ZPLD1: variants seen among roughly 807,000 people sequenced by gnomAD.
ZPLD1 encodes zona pellucida-like domain-containing protein 1.
ZPLD1 carries 34 observed loss-of-function variants against 47.2 expected under a neutral mutation model. The ratio of observed to expected loss-of-function variants is 0.72; its 90% CI spans 0.55 to 0.96. The LOEUF is 0.96. Ranked by LOEUF, ZPLD1 falls within the 40% of genes least tolerant of loss-of-function variation. ZPLD1 has a pLI of 0.00. For synonymous variants in ZPLD1, 176 were observed against 186.2 expected (o/e 0.95, Z 0.45); for missense variants, 512 against 505.8 (o/e 1.01, Z -0.12).
At chr3:102,441,142 G>A (rs1707170808) in intron 3 of ZPLD1, among the ~76,000 whole-genome samples, 1 of 152,078 alleles carries the variant, frequency 6.6e-6, no homozygotes, top group African/African-American at 2.4e-5. Context: ...TGGATAAGAA[G>A]GCCAAGTAAT....
intron 10 of ZPLD1, among the ~76,000 whole-genome samples, chr3:102,476,478 T>C (rs1203638694): frequency 6.6e-6 from 1 of 152,166 alleles, no homozygotes; most frequent in Non-Finnish European, 1.5e-5. Flanking sequence ...AGTCATGTTT[T>C]CCTTTCATAT....
Position 102,479,285 on chromosome 3 carries a change from A to G in ZPLD1, c.*1667A>G, listed in dbSNP as rs979049619. Reference sequence around the variant, plus strand: ...GACTATTCTGAGCTTTATCTGTGTTAACATGATTAACTGACCATACTACTA... The same window carrying G: ...GACTATTCTGAGCTTTATCTGTGTTGACATGATTAACTGACCATACTACTA... On this transcript the variant is annotated 3_prime_UTR_variant, in exon 12 of 12. Coordinates refer to ENST00000466937, the MANE Select transcript of ZPLD1 (RefSeq NM_001329788.2). The G allele has an allele frequency of 3.9e-5, 6 of 152,216 alleles. No individual in the cohort carries two copies. The highest frequency in any genetic ancestry group is 1.4e-4 in the African/African-American group (6 of 41,466). The allele number at this position is 152,216 out of a possible 1,614,324, so 9.4% of individuals were successfully genotyped here. A position where few individuals can be genotyped will look rare whatever the true frequency, so the allele number is the denominator to read the frequency against.
chr3:102,413,310 A>T (rs940908661), intron 7 of ZPLD1, among the ~76,000 whole-genome samples: 1 of 151,832 alleles, frequency 6.6e-6, no homozygotes, highest in African/African-American at 2.4e-5. Flanking sequence ...TGATCTTAAG[A>T]TGGTCATAGA....
intron 3 of ZPLD1, among the ~76,000 whole-genome samples, chr3:102,446,330 A>C (rs1356602171): frequency 6.6e-6 from 1 of 152,222 alleles, no homozygotes; most frequent in Non-Finnish European, 1.5e-5. Context: ...GGCTCATCAG[A>C]GGTCAGCTTT....
chr3:102,465,259 A>C (rs889630841), intron 8 of ZPLD1, among the ~76,000 whole-genome samples: 7 of 152,210 alleles, frequency 4.6e-5, no homozygotes, highest in African/African-American at 1.7e-4. Context: ...ACATTCAGCA[A>C]TAAGGAAATA....
Position 102,457,870 on chromosome 3 carries a change from A to G in ZPLD1, c.582+17A>G. The stretch of plus-strand genomic sequence containing the variant: ...CTTTATAACGTAAGTTGATGGGTGA[A>G]GGATGTTATTTTCTCTTTCACTGTT... On this transcript the variant is annotated intron_variant, in intron 6 of 11. Transcript: ENST00000466937. 1 of 1,612,874 alleles carries G rather than the reference A, an allele frequency of 6.2e-7. No individual in the cohort carries two copies. Among genetic ancestry groups the G allele is most frequent in the Non-Finnish European group, 8.5e-7 (1 of 1,179,156 alleles).
intron 8 of ZPLD1, among the ~76,000 whole-genome samples, chr3:102,467,443 A>C (rs965679524): frequency 6.6e-6 from 1 of 152,158 alleles, no homozygotes; most frequent in East Asian, 1.9e-4. Context: ...AAATGTCACA[A>C]TTATTAAAGG....
rs72942849 is a variant in ZPLD1, at chr3:102,413,627, G to A, written c.-156-4433G>A. Among the ~76,000 whole-genome samples, 795 of 151,766 alleles carry A rather than the reference G, an allele frequency of 5.2e-3. 4 individuals carry two copies. Among genetic ancestry groups the A allele is most frequent in the Middle Eastern group, 0.027 (8 of 294 alleles). ...CCCAATGGACATTCCCTATAAATGG[G>A]CATACAAAACCTACTCTTTAACTCA... is the stretch of plus-strand genomic sequence containing the variant. On this transcript the variant is annotated intron_variant, in intron 7 of 17. Coordinates refer to the ZPLD1 transcript ENST00000491959.
chr3:102,447,715 A>G (rs1315990571), intron 3 of ZPLD1, among the ~76,000 whole-genome samples: 7 of 152,216 alleles, frequency 4.6e-5, no homozygotes, highest in Non-Finnish European at 1.0e-4. Context: ...GAATGCTGTT[A>G]GATTTAAGTA....
intron 7 of ZPLD1, among the ~76,000 whole-genome samples, chr3:102,403,859 C>G (rs899973923): frequency 1.3e-5 from 2 of 151,602 alleles, no homozygotes; most frequent in African/African-American, 4.8e-5. Context: ...CAAGCCCAAC[C>G]AGTTGATGAT....
chr3:102,435,449 G>A, intron 1 of ZPLD1, among the ~76,000 whole-genome samples: 2 of 152,130 alleles, frequency 1.3e-5, no homozygotes, highest in East Asian at 3.9e-4. Flanking sequence ...TAGCTCTAGA[G>A]TACATGGCTA....
intron 7 of ZPLD1, among the ~76,000 whole-genome samples, chr3:102,392,592 T>G (rs948726547): frequency 2.8e-5 from 4 of 145,258 alleles, no homozygotes; most frequent in African/African-American, 7.9e-5. Flanking sequence ...TCCTTCTTTC[T>G]TCTTCTTCTG....
rs553574361 is a variant in ZPLD1 at position 102,466,591 on chromosome 3, A to C, written c.761+2340A>C. Among the ~76,000 whole-genome samples, 15 of 152,262 alleles carry C rather than the reference A, an allele frequency of 9.9e-5. No individual in the cohort carries two copies. In the South Asian group the frequency reaches 2.5e-3, roughly 25 times the overall value. On this transcript the variant is annotated intron_variant, in intron 8 of 11. Transcript: ENST00000466937. ...GAACTTAGGTAAGTAAGGATAGGAC[A>C]GTAAAAGCCATGGCTATGGAAATGT...
chr3:102,456,503 CATATT>C lies in ZPLD1; in HGVS notation c.509+132_509+136del. ...TAAATTCAAACAATGTAATGGGAAA[CATATT>C]ATGTCTAATATATTTACCTCTATCT... is the stretch of plus-strand genomic sequence containing the variant. On this transcript the variant is annotated intron_variant, in intron 5 of 11. Coordinates refer to ENST00000466937, the MANE Select transcript of ZPLD1 (RefSeq NM_001329788.2). 3 of 764,228 alleles carry C rather than the reference CATATT, an allele frequency of 3.9e-6. No individual in the cohort carries two copies. In the South Asian group the frequency reaches 5.3e-5, roughly 13 times the overall value. 47.3% of individuals were successfully genotyped at this position (764,228 alleles called of 1,614,324 possible). A position where few individuals can be genotyped will look rare whatever the true frequency, so the allele number is the denominator to read the frequency against.
At chr3:102,444,501 A>T (rs1707227922) in intron 3 of ZPLD1, among the ~76,000 whole-genome samples, 1 of 152,184 alleles carries the variant, frequency 6.6e-6, no homozygotes, top group South Asian at 2.1e-4. Context: ...AAAACTTGGT[A>T]AGAGCAAATT....
chr3:102,464,670 C>A (rs1707565448), intron 8 of ZPLD1, among the ~76,000 whole-genome samples: 1 of 152,098 alleles, frequency 6.6e-6, no homozygotes, highest in South Asian at 2.1e-4. Context: ...ATTTAGACCC[C>A]AAAATACTTT....
chr3:102,391,000 G>C (rs1706489071), intron 6 of ZPLD1, among the ~76,000 whole-genome samples: 1 of 152,130 alleles, frequency 6.6e-6, no homozygotes, highest in Middle Eastern at 3.4e-3. Context: ...TAAATTTTTA[G>C]TCTCCTTAGA....
chr3:102,428,563 T>C (rs1488542685), intron 8 of ZPLD1, among the ~76,000 whole-genome samples: 1 of 152,026 alleles, frequency 6.6e-6, no homozygotes, highest in Non-Finnish European at 1.5e-5. Flanking sequence ...TTGATTGATG[T>C]ACTGAAAAGA....
In ZPLD1 at chr3:102,387,850, C is replaced by A. The variant is rs181040523; in HGVS notation, c.-213+2533C>A. Among the ~76,000 whole-genome samples, 225 of 80,620 alleles carry A rather than the reference C, an allele frequency of 2.8e-3. 1 individual carries two copies. The highest frequency in any genetic ancestry group is 0.011 in the African/African-American group (216 of 20,364). 52.9% of individuals were successfully genotyped at this position (80,620 alleles called of 152,430 possible). A position where few individuals can be genotyped will look rare whatever the true frequency, so the allele number is the denominator to read the frequency against. Reference sequence around the variant, plus strand: ...TCATGTCCTTCAGTTCTGAGAAATTCTTTTTTTTTTTTTTTTTTTTTTTTG... The same window carrying A: ...TCATGTCCTTCAGTTCTGAGAAATTATTTTTTTTTTTTTTTTTTTTTTTTG... On this transcript the variant is annotated intron_variant, in intron 6 of 17. Coordinates refer to the ZPLD1 transcript ENST00000491959.
Sources: gnomAD v4.1 joint callset for allele counts (sites outside exome capture counted in the v4.1 genomes callset) on GRCh38, gnomAD v4.1.1 for gene constraint, MANE v1.5 for transcripts, NCBI Gene and HGNC (gene_info 2026-07-23, HGNC 2026-07-21) for gene names.